Variants in EFCAB11 observed in about 807,000 individuals in gnomAD.
EFCAB11 encodes the protein EF-hand calcium-binding domain-containing protein 11.
A neutral mutation model predicts 23.0 loss-of-function variants in EFCAB11; 14 were observed. That is an observed-to-expected ratio of 0.61 (90% CI 0.40 to 0.95). EFCAB11 has a LOEUF of 0.95. EFCAB11 is among the 40% of genes least tolerant of loss of function. EFCAB11 has a pLI of 0.00. For synonymous variants in EFCAB11, 65 were observed against 66.6 expected (o/e 0.98, Z 0.11); for missense variants, 198 against 195.8 (o/e 1.01, Z -0.07).
chr14:89,923,801 A>T, intron 5 of EFCAB11: 1 of 985,458 alleles, frequency 1.0e-6, no homozygotes, highest in Non-Finnish European at 1.2e-6. Context: ...CTCTTGTTAG[A>T]GATGGACCAG....
Position 89,812,509 on chromosome 14 carries a change from T to A in EFCAB11, c.411-15185A>T, listed in dbSNP as rs553741635. Among the ~76,000 whole-genome samples the A allele has an allele frequency of 5.3e-5, 8 of 152,304 alleles. 1 individual carries two copies. The highest frequency in any genetic ancestry group is 1.9e-4 in the African/African-American group (8 of 41,568). Reference sequence around the variant, plus strand: ...CAGGCAAGAAGAGCTGAGAACAAATTTGACAACAAGAAACACCAGGTTTTA... The same window carrying A: ...CAGGCAAGAAGAGCTGAGAACAAATATGACAACAAGAAACACCAGGTTTTA... On this transcript the variant is annotated intron_variant, in intron 5 of 5. Coordinates refer to ENST00000316738, the MANE Select transcript of EFCAB11 (RefSeq NM_145231.4).
chr14:89,801,059 A>AAAAAAAAAAAAAAAAAAAAAAAG (rs1555369622), intron 5 of EFCAB11, among the ~76,000 whole-genome samples: 2 of 138,782 alleles, frequency 1.4e-5, no homozygotes, highest in African/African-American at 2.7e-5. Flanking sequence ...AAAAAAAAAA[A>AAAAAAAAAAAAAAAAAAAAAAAG]AGAAGTACTG....
intron 5 of EFCAB11, among the ~76,000 whole-genome samples, chr14:89,905,571 C>T (rs1248901934): frequency 2.0e-5 from 3 of 152,104 alleles, no homozygotes; most frequent in Non-Finnish European, 4.4e-5. Flanking sequence ...ACAGGGCTCA[C>T]GGACCAGGGA....
intron 5 of EFCAB11, among the ~76,000 whole-genome samples, chr14:89,819,071 C>T (rs1886425630): frequency 6.6e-6 from 1 of 152,110 alleles, no homozygotes; most frequent in Non-Finnish European, 1.5e-5. Context: ...ACTTGCACAC[C>T]AATGTTCACA....
At chr14:89,868,229 G>A (rs1402747203) in intron 5 of EFCAB11, among the ~76,000 whole-genome samples, 1 of 152,174 alleles carries the variant, frequency 6.6e-6, no homozygotes, top group Non-Finnish European at 1.5e-5. Context: ...CAAGTCAAGT[G>A]AATATGGTCC....
chr14:89,846,981 C>T (rs912473633), intron 5 of EFCAB11, among the ~76,000 whole-genome samples: 44 of 152,178 alleles, frequency 2.9e-4, no homozygotes, highest in African/African-American at 1.0e-3. Context: ...CTGCCCGATA[C>T]ATCTATGTCT....
intron 5 of EFCAB11, among the ~76,000 whole-genome samples, chr14:89,825,236 A>G (rs1276838707): frequency 6.6e-6 from 1 of 152,150 alleles, no homozygotes; most frequent in East Asian, 1.9e-4. Context: ...TACATTTCAT[A>G]ATAACCCATG....
chr14:89,798,779 G>A (rs1885663990), intron 5 of EFCAB11, among the ~76,000 whole-genome samples: 1 of 152,078 alleles, frequency 6.6e-6, no homozygotes, highest in African/African-American at 2.4e-5. Context: ...CGACCTCATT[G>A]TTATTGTATT....
intron 5 of EFCAB11, chr14:89,799,430 A>G (rs1885693925): frequency 6.6e-6 from 1 of 152,234 alleles, no homozygotes; most frequent in South Asian, 2.1e-4. Context: ...ATTATTCTGA[A>G]GAAGGAAGGT....
At chr14:89,802,000 A>C (rs1885800677) in intron 5 of EFCAB11, among the ~76,000 whole-genome samples, 1 of 152,180 alleles carries the variant, frequency 6.6e-6, no homozygotes, top group Admixed American at 6.5e-5. Context: ...TCTCAAAAAA[A>C]AAAAAAATGT....
At chr14:89,813,425 CATCTT>C (rs987376305) in intron 5 of EFCAB11, among the ~76,000 whole-genome samples, 3 of 152,276 alleles carry the variant, frequency 2.0e-5, no homozygotes, top group South Asian at 2.1e-4. Flanking sequence ...AACTCACACT[CATCTT>C]AACAAAAACA....
chr14:89,826,157 T>G (rs1005776409), intron 5 of EFCAB11, among the ~76,000 whole-genome samples: 1 of 152,176 alleles, frequency 6.6e-6, no homozygotes, highest in African/African-American at 2.4e-5. Context: ...TCTTGATTAA[T>G]TGACCCTGTT....
chr14:89,941,134 G>A (rs1451459758), intron 3 of EFCAB11, among the ~76,000 whole-genome samples: 1 of 152,198 alleles, frequency 6.6e-6, no homozygotes, highest in Non-Finnish European at 1.5e-5. Context: ...AGACATCACA[G>A]AAGAACTATC....
intron 5 of EFCAB11, among the ~76,000 whole-genome samples, chr14:89,824,036 T>C (rs888354160): frequency 6.6e-6 from 1 of 152,170 alleles, no homozygotes; most frequent in African/African-American, 2.4e-5. Context: ...TGGCCAAACA[T>C]TGTGCAAATT....
chr14:89,805,968 T>C (rs995983982), intron 5 of EFCAB11, among the ~76,000 whole-genome samples: 8 of 152,214 alleles, frequency 5.3e-5, no homozygotes, highest in Admixed American at 5.2e-4. Flanking sequence ...GATTCTGGAT[T>C]ATTCTCCTCA....
chr14:89,954,083 G>GA (rs755030318), intron 1 of EFCAB11, 82 bp from the exon 2 acceptor site: 62 of 1,244,520 alleles, frequency 5.0e-5, no homozygotes, highest in Admixed American at 6.7e-5. Context: ...TTTGGACCTC[G>GA]AAAATCTAAA....
chr14:89,811,604 G>C (rs1334963242), intron 5 of EFCAB11, among the ~76,000 whole-genome samples: 1 of 152,158 alleles, frequency 6.6e-6, no homozygotes, highest in Non-Finnish European at 1.5e-5. Flanking sequence ...AGAGGAGCCA[G>C]AGAGATGTGA....
At chr14:89,917,851 T>C (rs185958223) in intron 5 of EFCAB11, among the ~76,000 whole-genome samples, 99 of 152,338 alleles carry the variant, frequency 6.5e-4, no homozygotes, top group African/African-American at 2.0e-3. Flanking sequence ...ATGCCGTTGA[T>C]GTGGAGAGTC....
rs538413353 is a variant in EFCAB11, at chr14:89,882,236, C to T, written c.410+49305G>A. On this transcript the variant is annotated intron_variant, in intron 5 of 5. Coordinates refer to ENST00000316738, the MANE Select transcript of EFCAB11 (RefSeq NM_145231.4). The stretch of plus-strand genomic sequence containing the variant: ...GACTTTATTCAATGCATTATAAACT[C>T]TTCATTGAGAGGTTCAAATACTACC... Among the ~76,000 whole-genome samples, 316 of 152,274 alleles carry T rather than the reference C, an allele frequency of 2.1e-3. 1 individual carries two copies. The highest frequency in any genetic ancestry group is 7.2e-3 in the African/African-American group (300 of 41,548).
Sources: allele counts gnomAD v4.1 joint callset (sites outside exome capture counted in the v4.1 genomes callset), GRCh38; gene constraint gnomAD v4.1.1; transcripts MANE v1.5; gene names NCBI Gene and HGNC (gene_info 2026-07-23, HGNC 2026-07-21).